Variants in MAGI2 observed in about 807,000 individuals in gnomAD.
MAGI2 encodes membrane-associated guanylate kinase, WW and PDZ domain-containing protein 2.
In MAGI2, 35 loss-of-function variants were observed where a neutral mutation model predicts 133.3. The observed-to-expected ratio is 0.26, with a 90% CI of 0.20 to 0.35. The LOEUF is 0.35. Ranked by LOEUF, MAGI2 falls within the 10% of genes least tolerant of loss-of-function variation. The pLI is 1.00. For synonymous variants in MAGI2, 729 were observed against 710.6 expected, an observed-to-expected ratio of 1.03 and a Z score of -0.41; for missense variants, 1,636 against 1,863.4, an observed-to-expected ratio of 0.88 and a Z score of 2.25.
intron 2 of MAGI2, among the ~76,000 whole-genome samples, chr7:78,753,727 A>C (rs1823674766): frequency 2.0e-5 from 3 of 152,060 alleles, no homozygotes; most frequent in Admixed American, 1.3e-4. Flanking sequence ...CAAAAAAAAA[A>C]AAAATCAAAT....
intron 2 of MAGI2, among the ~76,000 whole-genome samples, chr7:78,735,377 C>A (rs1482926767): frequency 6.6e-6 from 1 of 152,112 alleles, no homozygotes. Context: ...CAGGATACAA[C>A]AACAGTAACA....
intron 6 of MAGI2, among the ~76,000 whole-genome samples, chr7:78,377,305 G>A (rs536093423): frequency 5.5e-4 from 84 of 152,204 alleles, no homozygotes; most frequent in African/African-American, 1.5e-3. Context: ...TGCCAGAGTG[G>A]AGACTGTGCA....
intron 3 of MAGI2, among the ~76,000 whole-genome samples, chr7:78,543,315 C>T (rs747878715): frequency 5.9e-5 from 9 of 152,110 alleles, no homozygotes; most frequent in Non-Finnish European, 1.0e-4. Flanking sequence ...AGTTCAGCTC[C>T]GTAATGACAT....
At chr7:79,028,217 AT>A (rs200990711) in intron 1 of MAGI2, among the ~76,000 whole-genome samples, 1,829 of 60,638 alleles carry the variant, frequency 0.03, 28 homozygotes, top group African/African-American at 0.066. Flanking sequence ...TCTCAAAAAA[AT>A]ATATATATAT....
At chr7:78,427,193 A>G (rs536188989) in intron 6 of MAGI2, among the ~76,000 whole-genome samples, 1 of 152,262 alleles carries the variant, frequency 6.6e-6, no homozygotes, top group African/African-American at 2.4e-5. Context: ...TAAAAAACTA[A>G]TGGGGCAAAT....
chr7:78,319,787 C>A (rs961150062), intron 9 of MAGI2, among the ~76,000 whole-genome samples: 1 of 152,094 alleles, frequency 6.6e-6, no homozygotes, highest in South Asian at 2.1e-4. Context: ...CAGAGCAGAA[C>A]TGAAGGAGAT....
At chr7:79,028,858 G>GC (rs1554336599) in intron 1 of MAGI2, among the ~76,000 whole-genome samples, 3 of 151,780 alleles carry the variant, frequency 2.0e-5, no homozygotes, top group African/African-American at 2.4e-5. Flanking sequence ...AATGAAAGGG[G>GC]TTTTTTTATA....
chr7:79,306,672 A>G (rs1273478436), intron 1 of MAGI2, among the ~76,000 whole-genome samples: 1 of 152,174 alleles, frequency 6.6e-6, no homozygotes, highest in African/African-American at 2.4e-5. Flanking sequence ...CAGTCAGTCT[A>G]AATGTAAACA....
At chr7:78,207,670 T>G (rs1250507235) in intron 10 of MAGI2, among the ~76,000 whole-genome samples, 1 of 152,206 alleles carries the variant, frequency 6.6e-6, no homozygotes, top group African/African-American at 2.4e-5. Context: ...TTGTTTAAGC[T>G]GCTCGAAGTG....
At chr7:78,637,492 T>C (rs1482976856) in intron 2 of MAGI2, among the ~76,000 whole-genome samples, 1 of 151,608 alleles carries the variant, frequency 6.6e-6, no homozygotes, top group Non-Finnish European at 1.5e-5. Context: ...ATGGTGGATG[T>C]CAAAAAATAG....
At chr7:78,494,662 T>C (rs1300735502) in intron 5 of MAGI2, among the ~76,000 whole-genome samples, 1 of 152,216 alleles carries the variant, frequency 6.6e-6, no homozygotes, top group Non-Finnish European at 1.5e-5. Context: ...TTCTTTAATA[T>C]TGCCAGAGCA....
At chr7:78,530,551 G>A (rs756863477) in intron 3 of MAGI2, among the ~76,000 whole-genome samples, 1 of 152,050 alleles carries the variant, frequency 6.6e-6, no homozygotes, top group African/African-American at 2.4e-5. Flanking sequence ...ACAGACAGAG[G>A]GATTGTTGAC....
intron 1 of MAGI2, among the ~76,000 whole-genome samples, chr7:79,262,521 T>G (rs1834160221): frequency 6.6e-6 from 1 of 152,232 alleles, no homozygotes; most frequent in Admixed American, 6.5e-5. Context: ...ACTAACAGTT[T>G]TATCATTTAC....
At chr7:79,154,241 A>T (rs1299497844) in intron 1 of MAGI2, among the ~76,000 whole-genome samples, 2 of 152,242 alleles carry the variant, frequency 1.3e-5, no homozygotes, top group Non-Finnish European at 2.9e-5. Context: ...TATTCAATAA[A>T]GTAGTCATTG....
At chr7:78,941,728 T>TCACACACACACACACA (rs3068585) in intron 2 of MAGI2, among the ~76,000 whole-genome samples, 57 of 123,452 alleles carry the variant, frequency 4.6e-4, no homozygotes, top group African/African-American at 1.2e-3. Flanking sequence ...GCCTATTTCA[T>TCACACACACACACACA]CACACACACA....
At chr7:78,082,437 A>G (rs767418638) in intron 20 of MAGI2, among the ~76,000 whole-genome samples, 4 of 152,024 alleles carry the variant, frequency 2.6e-5, no homozygotes, top group African/African-American at 4.8e-5. Context: ...CATTATTTTT[A>G]TCGGGTTCCC....
chr7:79,155,011 G>T (rs1336265476), intron 1 of MAGI2, among the ~76,000 whole-genome samples: 1 of 152,132 alleles, frequency 6.6e-6, no homozygotes, highest in Non-Finnish European at 1.5e-5. Context: ...TAGTAACAGT[G>T]TTGACAGTCC....
At chr7:78,583,487 G>C (rs1329508574) in intron 3 of MAGI2, 1 of 160,456 alleles carries the variant, frequency 6.2e-6, no homozygotes, top group Non-Finnish European at 1.4e-5. Context: ...GACAGAGCGA[G>C]ACTCCGTCTA....
chr7:78,206,353 G>C (rs368008528), intron 10 of MAGI2, among the ~76,000 whole-genome samples: 6 of 147,932 alleles, frequency 4.1e-5, no homozygotes, highest in African/African-American at 7.5e-5. Context: ...GTGCAGTGGC[G>C]TGATCTTGGC....
Sources: gnomAD v4.1 joint callset for allele counts (sites outside exome capture counted in the v4.1 genomes callset) on GRCh38, gnomAD v4.1.1 for gene constraint, MANE v1.5 for transcripts, NCBI Gene and HGNC (gene_info 2026-07-23, HGNC 2026-07-21) for gene names.